Variants in LTN1 observed in about 807,000 individuals in gnomAD.
The protein encoded by LTN1 is E3 ubiquitin-protein ligase listerin.
LTN1 carries 88 observed loss-of-function variants against 201.2 expected under a neutral mutation model. That is an observed-to-expected ratio of 0.44 (90% CI 0.37 to 0.52). The LOEUF (loss-of-function observed/expected upper bound fraction) is 0.52. Ranked by LOEUF, LTN1 falls within the 20% of genes least tolerant of loss-of-function variation. The probability of loss-of-function intolerance (pLI) is 0.00; values close to 1 mark genes in which losing one functional copy is unlikely to be tolerated. For missense variants in LTN1, 1,752 were observed against 2,038.7 expected (o/e 0.86, Z 2.71); for synonymous variants, 645 against 713.5 (o/e 0.90, Z 1.53).
At position 28,959,493 on chromosome 21, in the gene LTN1, A is replaced by G; in HGVS notation, c.2558T>C (p.Leu853Ser). ...SEDLLLTLFQ[L>S]CAQSKEKTHL... ...TGTTTTTTCTTTGCTCTGAGCACAT[A>G]ACTGAAAGAGAGTTAATAATAAATC... The change falls in exon 13 of 30, where the codon TTA becomes TCA. Residue 853 changes from leucine (L) to serine (S), a missense_variant. Around this residue, in one of 3 missense-constraint regions of LTN1, gnomAD observed 1,211 missense variants for 1,312.8 expected, o/e 0.92. Transcript: ENST00000361371. 1 of 1,614,006 alleles carries G rather than the reference A, an allele frequency of 6.2e-7. No homozygotes were observed. Among genetic ancestry groups the G allele is most frequent in the South Asian group, 1.1e-5 (1 of 91,062 alleles).
At chr21:28,976,387 G>A (rs996832327) in intron 6 of LTN1, among the ~76,000 whole-genome samples, 7 of 152,088 alleles carry the variant, frequency 4.6e-5, no homozygotes, top group Non-Finnish European at 7.4e-5. Flanking sequence ...ATCATTTGAG[G>A]TCAGGAGTTC....
At chr21:28,962,345 C>A (rs1427750224) in intron 11 of LTN1, among the ~76,000 whole-genome samples, 1 of 152,104 alleles carries the variant, frequency 6.6e-6, no homozygotes, top group South Asian at 2.1e-4. Flanking sequence ...CACCATTTTA[C>A]AACAATATAT....
intron 11 of LTN1, among the ~76,000 whole-genome samples, chr21:28,964,917 T>C (rs1020219644): frequency 6.6e-6 from 1 of 152,136 alleles, no homozygotes; most frequent in Admixed American, 6.6e-5. Flanking sequence ...CTAAGGCAAA[T>C]AGTGTGCCTG....
chr21:28,986,582 A>C lies in LTN1; in HGVS notation c.246+149T>G. 3.0e-6 allele frequency: 2 copies of C among 675,892 alleles called. No homozygotes were observed. The highest frequency in any genetic ancestry group is 5.0e-6 in the Non-Finnish European group (2 of 401,546). 41.9% of individuals were successfully genotyped at this position (675,892 alleles called of 1,614,324 possible). ...ACGACCTAGAAAATAAATATCAACT[A>C]AGTTTAAGACTCTGTGTCAGAAAAA... On this transcript the variant is annotated intron_variant, in intron 2 of 29. Transcript: ENST00000361371. This position sits in a 1 kb window ranked among gnomAD's most constrained non-coding sequence, Gnocchi z 4.1.
In LTN1 at chr21:28,935,106, A is replaced by G; in HGVS notation, c.4875+3T>C. 1 of 1,585,524 alleles carries G rather than the reference A, an allele frequency of 6.3e-7. No individual in the cohort carries two copies. The highest frequency in any genetic ancestry group is 8.7e-7 in the Non-Finnish European group (1 of 1,154,922). On this transcript the variant is annotated splice_donor_region_variant and intron_variant, in intron 27 of 29. Transcript: ENST00000361371. ...TTCTAGAGAAAGTCAAGACAATACT[A>G]ACCGTCATGCCATTAAATAGTTGTG... is the stretch of plus-strand genomic sequence containing the variant.
At chr21:28,970,800 TAAAA>T in intron 7 of LTN1, 58 bp from the exon 8 acceptor site, 1 of 1,348,378 alleles carries the variant, frequency 7.4e-7, no homozygotes, top group Non-Finnish European at 1.0e-6. Flanking sequence ...TTTTCTCAAT[TAAAA>T]GAGAAAACAT....
At chr21:28,958,664 A>G in intron 13 of LTN1, 125 bp from the exon 14 acceptor site, 1 of 635,140 alleles carries the variant, frequency 1.6e-6, no homozygotes, top group Non-Finnish European at 2.6e-6. Flanking sequence ...GAAAAATTTT[A>G]AATTGCCATT....
intron 27 of LTN1, 57 bp from the exon 28 acceptor site, chr21:28,932,721 C>A: frequency 8.3e-7 from 1 of 1,206,040 alleles, no homozygotes; most frequent in East Asian, 2.3e-5. Flanking sequence ...AACCAGAAAA[C>A]ATTTTGATAG....
intron 18 of LTN1, among the ~76,000 whole-genome samples, chr21:28,947,890 T>TTAAA (rs530359419): frequency 6.9e-5 from 10 of 144,326 alleles, no homozygotes; most frequent in East Asian, 2.0e-4. Context: ...TGTCCTCTTT[T>TTAAA]AAAAAAAAAA....
At chr21:28,970,328 T>C (rs2084563279) in intron 8 of LTN1, among the ~76,000 whole-genome samples, 1 of 152,232 alleles carries the variant, frequency 6.6e-6, no homozygotes, top group Admixed American at 6.5e-5. Flanking sequence ...AGTTGACCTA[T>C]TTCCAACAAG....
At chr21:28,979,736 G>A (rs1443687818) in intron 6 of LTN1, among the ~76,000 whole-genome samples, 1 of 152,136 alleles carries the variant, frequency 6.6e-6, no homozygotes, top group Non-Finnish European at 1.5e-5. Flanking sequence ...TTGGGAGGCC[G>A]AGGTGGGTGG....
intron 3 of LTN1, among the ~76,000 whole-genome samples, chr21:28,985,373 A>G (rs2084690258): frequency 6.6e-6 from 1 of 152,122 alleles, no homozygotes; most frequent in Non-Finnish European, 1.5e-5. Context: ...AGGCAGGAGA[A>G]TCACTTGAAC....
chr21:28,966,978 G>C lies in LTN1; in HGVS notation c.1513C>G (p.Pro505Ala), dbSNP rs1464449253. ...AAAACGGACTCAACATCAGCTTCTG[G>C]CTCACTGATTTTCGCAACACAGATC... is the stretch of plus-strand genomic sequence containing the variant. Reference protein sequence around the residue: ...SEICVAKISEPEADVESVLGV... With the variant: ...SEICVAKISEAEADVESVLGV... Residue 505 changes from proline (P) to alanine (A), a missense_variant, in exon 10 of 30, where the codon CCA (proline) becomes GCA (alanine). Physicochemically the swap from Pro to Ala is conservative, Grantham distance 27. Coordinates refer to ENST00000361371, the MANE Select transcript of LTN1 (RefSeq NM_015565.3). The C allele has an allele frequency of 1.3e-5, 21 of 1,613,900 alleles. No individual in the cohort carries two copies. Among genetic ancestry groups the C allele is most frequent in the Non-Finnish European group, 1.8e-5 (21 of 1,179,960 alleles).
chr21:28,972,645 G>A (rs2084584332), intron 6 of LTN1, among the ~76,000 whole-genome samples: 1 of 152,106 alleles, frequency 6.6e-6, no homozygotes, highest in South Asian at 2.1e-4. Context: ...GAGACAAAAA[G>A]ATGAAAAACA....
chr21:28,931,066 G>GGT (rs10608923), intron 29 of LTN1, 89 bp downstream of exon 29: 57,390 of 574,422 alleles, frequency 0.1, 2,280 homozygotes, highest in African/African-American at 0.28. Flanking sequence ...ACATTGTGTA[G>GGT]GTGTGTGTGT....
chr21:28,990,654 G>A (rs1308211117), intron 1 of LTN1, among the ~76,000 whole-genome samples: 1 of 152,164 alleles, frequency 6.6e-6, no homozygotes, highest in Non-Finnish European at 1.5e-5. Context: ...GGACAAACAG[G>A]TGCGAAGTGC....
At chr21:28,987,609 T>C (rs1013141332) in intron 1 of LTN1, among the ~76,000 whole-genome samples, 4 of 152,250 alleles carry the variant, frequency 2.6e-5, no homozygotes, top group African/African-American at 7.2e-5. Flanking sequence ...CTCCTTTGTT[T>C]TGAATCATAG....
rs1335982602 is a variant in LTN1, at chr21:28,953,284, T to A, written c.3172A>T (p.Asn1058Tyr). Residue 1058 changes from asparagine to tyrosine, a missense_variant, in exon 17 of 30, where the codon AAT (asparagine) becomes TAT (tyrosine). Transcript: ENST00000361371. Reference protein sequence around the residue: ...IGFCEILQKMNITYDNLRVLG... With the variant: ...IGFCEILQKMYITYDNLRVLG... ...ACACGTAAGTTATCATACGTAATAT[T>A]CATTTTTTGAAGTATTTCACAAAAT... is the stretch of plus-strand genomic sequence containing the variant. The A allele has an allele frequency of 1.9e-6, 3 of 1,608,190 alleles. No homozygotes were observed. The highest frequency in any genetic ancestry group is 1.7e-6 in the Non-Finnish European group (2 of 1,178,202).
At chr21:28,957,308 T>C (rs1414739770) in intron 15 of LTN1, 24 bp downstream of exon 15, 5 of 1,561,786 alleles carry the variant, frequency 3.2e-6, no homozygotes, top group Admixed American at 2.1e-5. Context: ...GAATGAGATA[T>C]GTACTCTTCA....
Sources: gnomAD v4.1 joint callset for allele counts (sites outside exome capture counted in the v4.1 genomes callset) on GRCh38, gnomAD v4.1.1 for gene constraint, gnomAD v4.1.1 regional missense constraint, Gnocchi (gnomAD v3.1) non-coding constraint, MANE v1.5 for transcripts, NCBI Gene and HGNC (gene_info 2026-07-23, HGNC 2026-07-21) for gene names.